The following ADAMTSL1 variants were observed in gnomAD, a reference collection of about 807,000 sequenced individuals.
ADAMTSL1 encodes the protein ADAMTS like 1.
Under a neutral mutation model 201.8 loss-of-function variants are expected in ADAMTSL1, and 126 were observed. The ratio of observed to expected loss-of-function variants is 0.62; its 90% CI spans 0.54 to 0.72. The LOEUF (loss-of-function observed/expected upper bound fraction) is 0.72, where lower values mean the gene tolerates loss of function less well. ADAMTSL1 is among the 30% of genes least tolerant of loss of function. The pLI, the probability that ADAMTSL1 is intolerant of heterozygous loss-of-function variation, is 0.00. For missense variants in ADAMTSL1, 2,679 were observed against 2,277.8 expected (o/e 1.18, Z -3.59); for synonymous variants, 1,121 against 903.4 (o/e 1.24, Z -4.32).
intron 9 of ADAMTSL1, among the ~76,000 whole-genome samples, chr9:18,666,181 T>A (rs889412843): frequency 6.6e-6 from 1 of 152,276 alleles, no homozygotes; most frequent in Admixed American, 6.5e-5. Context: ...AGCAGTTTCA[T>A]CCCAAGAAGG....
intron 1 of ADAMTSL1, among the ~76,000 whole-genome samples, chr9:17,949,223 C>G (rs2811826): frequency 0.86 from 131,107 of 152,188 alleles, 56,573 homozygotes; most frequent in East Asian, 0.94. Flanking sequence ...TTTTTGCAGA[C>G]AGGGCATCAT....
intron 2 of ADAMTSL1, among the ~76,000 whole-genome samples, chr9:18,197,252 C>A (rs796993697): frequency 1.6e-4 from 24 of 152,220 alleles, no homozygotes; most frequent in African/African-American, 5.3e-4. Context: ...GGCATTGAAT[C>A]TGTAAATTAC....
intron 2 of ADAMTSL1, among the ~76,000 whole-genome samples, chr9:18,451,410 G>A (rs192882995): frequency 7.2e-5 from 11 of 152,316 alleles, no homozygotes; most frequent in Admixed American, 5.9e-4. Context: ...ATTGAACACA[G>A]CTTTACCTGT....
intron 1 of ADAMTSL1, among the ~76,000 whole-genome samples, chr9:18,000,001 T>A (rs1819548784): frequency 6.9e-6 from 1 of 145,926 alleles, no homozygotes; most frequent in African/African-American, 2.6e-5. Context: ...ATCCAGTCTA[T>A]CATTGTTGGA....
At chr9:17,977,578 G>A (rs570805880) in intron 1 of ADAMTSL1, among the ~76,000 whole-genome samples, 92 of 151,888 alleles carry the variant, frequency 6.1e-4, no homozygotes, top group Admixed American at 2.6e-3. Context: ...AAATTTGTTG[G>A]CATATAGTTG....
In ADAMTSL1 at chr9:18,189,103, A is replaced by G. The variant is rs149565771; in HGVS notation, c.207+25122A>G. Among the ~76,000 whole-genome samples, 21 of 152,212 alleles carry G rather than the reference A, an allele frequency of 1.4e-4. 1 individual carries two copies. The highest frequency in any genetic ancestry group is 4.6e-4 in the African/African-American group (19 of 41,534). ...GCTGTATCCTAAGTAAATCGTTTAT[A>G]TTTCCCACCAGCTAATTGGAGACAG... is the stretch of plus-strand genomic sequence containing the variant. On this transcript the variant is annotated intron_variant, in intron 2 of 29. Coordinates refer to the ADAMTSL1 transcript ENST00000680146.
chr9:18,480,480 A>G (rs940659965), intron 1 of ADAMTSL1, among the ~76,000 whole-genome samples: 2 of 152,190 alleles, frequency 1.3e-5, no homozygotes, highest in Non-Finnish European at 2.9e-5. Context: ...GAATGACTAC[A>G]TGGAGCACAG....
rs190311279 is a variant in ADAMTSL1 at position 18,091,954 on chromosome 9, C to T, written c.88-71908C>T. On this transcript the variant is annotated intron_variant, in intron 1 of 29. Transcript: ENST00000680146. ...ACAAGCTTTTAATTTTAGGAAATCT[C>T]ATGAACTTCTCTCTTGATTACATTC... 1.3e-5 allele frequency among the ~76,000 whole-genome samples: 2 copies of T among 152,186 alleles called. 1 individual carries two copies. The highest frequency in any genetic ancestry group is 1.3e-4 in the Admixed American group (2 of 15,272).
chr9:18,141,019 A>G (rs1248291910), intron 1 of ADAMTSL1, among the ~76,000 whole-genome samples: 1 of 152,194 alleles, frequency 6.6e-6, no homozygotes, highest in Non-Finnish European at 1.5e-5. Flanking sequence ...TCTTATTTAT[A>G]TGAATGTATC....
chr9:18,128,620 G>C (rs1306670623), intron 1 of ADAMTSL1, among the ~76,000 whole-genome samples: 1 of 152,114 alleles, frequency 6.6e-6, no homozygotes, highest in East Asian at 1.9e-4. Flanking sequence ...CCGACAGTTT[G>C]AACTATTGAG....
At chr9:18,010,794 C>A (rs1820019815) in intron 1 of ADAMTSL1, among the ~76,000 whole-genome samples, 1 of 151,956 alleles carries the variant, frequency 6.6e-6, no homozygotes, top group South Asian at 2.1e-4. Context: ...CACCACCGTG[C>A]AATGTAGCCA....
intron 1 of ADAMTSL1, among the ~76,000 whole-genome samples, chr9:18,127,114 T>A (rs1825763060): frequency 6.6e-6 from 1 of 152,172 alleles, no homozygotes; most frequent in Non-Finnish European, 1.5e-5. Context: ...GTGTGTGACA[T>A]ATGGCACAGC....
At chr9:17,928,068 C>T (rs1826626134) in intron 1 of ADAMTSL1, among the ~76,000 whole-genome samples, 1 of 151,142 alleles carries the variant, frequency 6.6e-6, no homozygotes. Context: ...TATCAGGACT[C>T]ACTGCAGCCT....
intron 2 of ADAMTSL1, among the ~76,000 whole-genome samples, chr9:18,436,295 C>T (rs1396814288): frequency 6.6e-6 from 1 of 152,122 alleles, no homozygotes; most frequent in Admixed American, 6.5e-5. Context: ...TTCCTTCTTT[C>T]ACACCTCTCT....
chr9:18,806,526 G>A (rs1389810744), intron 20 of ADAMTSL1, among the ~76,000 whole-genome samples: 1 of 152,210 alleles, frequency 6.6e-6, no homozygotes, highest in African/African-American at 2.4e-5. Flanking sequence ...TGAGTAAACA[G>A]TGCTTACAAT....
At chr9:18,552,969 T>C (rs1034502819) in intron 3 of ADAMTSL1, among the ~76,000 whole-genome samples, 2 of 151,678 alleles carry the variant, frequency 1.3e-5, no homozygotes, top group Non-Finnish European at 3.0e-5. Flanking sequence ...CTTCCATCTA[T>C]TTGCTGTCAC....
At chr9:18,355,776 G>A (rs1298064491) in intron 2 of ADAMTSL1, among the ~76,000 whole-genome samples, 1 of 152,226 alleles carries the variant, frequency 6.6e-6, no homozygotes, top group African/African-American at 2.4e-5. Flanking sequence ...GGAGGCCAAG[G>A]TGGGAGGACT....
intron 1 of ADAMTSL1, among the ~76,000 whole-genome samples, chr9:17,933,402 A>G (rs72695941): frequency 0.042 from 6,452 of 152,216 alleles, 212 homozygotes; most frequent in Non-Finnish European, 0.058. Context: ...TTACCTATTC[A>G]GAGACCGTTT....
At chr9:18,779,541 C>T (rs1821262466) in intron 19 of ADAMTSL1, among the ~76,000 whole-genome samples, 1 of 152,206 alleles carries the variant, frequency 6.6e-6, no homozygotes, top group African/African-American at 2.4e-5. Context: ...CACATAGAAA[C>T]ACTGGAAATG....
Sources: allele counts gnomAD v4.1 joint callset (sites outside exome capture counted in the v4.1 genomes callset), GRCh38; gene constraint gnomAD v4.1.1; transcripts MANE v1.5; gene names NCBI Gene and HGNC (gene_info 2026-07-23, HGNC 2026-07-21).